RYR2: variants seen among roughly 807,000 people sequenced by gnomAD.
The protein encoded by RYR2 is cardiac muscle ryanodine receptor-calcium release channel.
Under a neutral mutation model 601.1 loss-of-function variants are expected in RYR2, and 227 were observed. The ratio of observed to expected loss-of-function variants is 0.38; its 90% confidence interval spans 0.34 to 0.42. The LOEUF is 0.42. Among genes scored for constraint, RYR2 ranks in the 10% least tolerant of loss-of-function variants. RYR2 has a pLI of 1.00. For missense variants in RYR2, 4,646 were observed against 6,156.5 expected, an observed-to-expected ratio of 0.75 and a Z score of 8.21; for synonymous variants, 2,223 against 2,175.1, an observed-to-expected ratio of 1.02 and a Z score of -0.61.
intron 67 of RYR2, 25 bp from the exon 68 acceptor site, chr1:237,706,924 T>C (rs1573606711): frequency 1.3e-6 from 2 of 1,568,230 alleles, no homozygotes; most frequent in Non-Finnish European, 1.8e-6. Context: ...TTGAATATCA[T>C]CCATTTTTAT....
intron 97 of RYR2, among the ~76,000 whole-genome samples, chr1:237,801,541 C>CCAAA (rs747389136): frequency 9.4e-6 from 1 of 106,396 alleles, no homozygotes; most frequent in African/African-American, 3.5e-5. Context: ...AACTCTGTCT[C>CCAAA]AAAAAAAAAA....
intron 1 of RYR2, among the ~76,000 whole-genome samples, chr1:237,243,883 A>C (rs535297610): frequency 6.6e-6 from 1 of 152,232 alleles, no homozygotes; most frequent in African/African-American, 2.4e-5. Context: ...ACAATGTGGC[A>C]AGAAGGTCAC....
chr1:237,407,395 A>G (rs964444573), intron 10 of RYR2, among the ~76,000 whole-genome samples: 2 of 152,208 alleles, frequency 1.3e-5, no homozygotes, highest in Non-Finnish European at 2.9e-5. Flanking sequence ...AAGTGGCTGT[A>G]TCATTTTGTA....
chr1:237,753,199 G>A (rs1423634849), intron 80 of RYR2, among the ~76,000 whole-genome samples: 2 of 152,118 alleles, frequency 1.3e-5, no homozygotes, highest in African/African-American at 2.4e-5. Context: ...TAAACTATTA[G>A]GTCAGTGGCA....
chr1:237,297,079 T>C (rs186423303), intron 2 of RYR2, among the ~76,000 whole-genome samples: 1 of 152,102 alleles, frequency 6.6e-6, no homozygotes, highest in Non-Finnish European at 1.5e-5. Flanking sequence ...TGAATGTATC[T>C]GGAAAAAATC....
At chr1:237,468,278 G>C (rs1044618837) in intron 16 of RYR2, among the ~76,000 whole-genome samples, 2 of 151,956 alleles carry the variant, frequency 1.3e-5, no homozygotes, top group African/African-American at 4.8e-5. Context: ...TAAACTTAGG[G>C]GTATAAAAGT....
At chr1:237,670,309 T>C (rs1401116621) in intron 58 of RYR2, among the ~76,000 whole-genome samples, 1 of 84,394 alleles carries the variant, frequency 1.2e-5, no homozygotes, top group Non-Finnish European at 2.2e-5. Context: ...AGAGGGAGAC[T>C]GGAGAGGGAG....
chr1:237,087,136 C>T (rs552347122), intron 1 of RYR2, among the ~76,000 whole-genome samples: 4 of 152,122 alleles, frequency 2.6e-5, no homozygotes, highest in Non-Finnish European at 5.9e-5. Flanking sequence ...GGACTGCATT[C>T]GGGAAAACTT....
chr1:237,641,730 C>G (rs145204385), intron 47 of RYR2, among the ~76,000 whole-genome samples: 1 of 152,020 alleles, frequency 6.6e-6, no homozygotes, highest in East Asian at 1.9e-4. Flanking sequence ...TTAGTAGAGA[C>G]GGGGTTTTGC....
Position 237,589,964 on chromosome 1 carries a change from A to G in RYR2, c.3770A>G (p.Gln1257Arg), listed in dbSNP as rs1210873281. ...ITMWLSKRLP[Q>R]FLQVPSNHEH... The stretch of plus-strand genomic sequence containing the variant: ...ATGTGGCTGAGCAAGAGGCTTCCTC[A>G]GTTTCTTCAAGTTCCATCAAACCAT... The change falls in exon 30 of 105, where the codon CAG becomes CGG. Residue 1257 changes from glutamine (Q) to arginine (R), a missense_variant. Coordinates refer to ENST00000366574, the MANE Select transcript of RYR2 (RefSeq NM_001035.3). The G allele has an allele frequency of 6.2e-7, 1 of 1,613,802 alleles. No homozygotes were observed. Among genetic ancestry groups the G allele is most frequent in the Non-Finnish European group, 8.5e-7 (1 of 1,179,854 alleles).
At chr1:237,358,092 AACCCAGG>A (rs763564963) in intron 4 of RYR2, among the ~76,000 whole-genome samples, 8 of 152,074 alleles carry the variant, frequency 5.3e-5, no homozygotes, top group Non-Finnish European at 1.0e-4. Flanking sequence ...CTACCCACCT[AACCCAGG>A]ACTATTGAGA....
Position 237,784,429 on chromosome 1 carries a change from G to C in RYR2, c.12717G>C (p.Leu4239=). The C allele has an allele frequency of 3.1e-6, 5 of 1,613,822 alleles. No individual in the cohort carries two copies. Among genetic ancestry groups the C allele is most frequent in the Non-Finnish European group, 4.2e-6 (5 of 1,179,834 alleles). Residue 4239 remains leucine, a synonymous_variant, in exon 90 of 105, where the codon CTG becomes CTC. Transcript: ENST00000366574. This position sits in a 1 kb window ranked among gnomAD's most constrained non-coding sequence, Gnocchi z 7.1. ...CGAGGATGGCTTTCTTCTCCATTCT[G>C]ACGGTCAGGTCGGCCCTGTTTGCGC... ...QGPRMAFFSI[L]TVRSALFALR...
chr1:237,148,500 T>G (rs1674261425), intron 1 of RYR2, among the ~76,000 whole-genome samples: 2 of 115,744 alleles, frequency 1.7e-5, no homozygotes, highest in Non-Finnish European at 3.5e-5. Flanking sequence ...TGCACATGTA[T>G]CCCAGAACTT....
rs571692642 is a variant in RYR2, at chr1:237,335,996, CTT to C, written c.273+5015_273+5016del. Among the ~76,000 whole-genome samples, 56 of 152,146 alleles carry C rather than the reference CTT, an allele frequency of 3.7e-4. 1 individual carries two copies. In the South Asian group the frequency reaches 7.7e-3, roughly 21 times the overall value. On this transcript the variant is annotated intron_variant, in intron 3 of 104. Coordinates refer to ENST00000366574, the MANE Select transcript of RYR2 (RefSeq NM_001035.3). The stretch of plus-strand genomic sequence containing the variant: ...TGCTTTTTCAACATTTATAAGGTAA[CTT>C]ATATCTTATAAAGGTTCTATGTATA...
In RYR2 at chr1:237,493,056, T is replaced by C. The variant is rs373160383; in HGVS notation, c.1930T>C (p.Leu644=). The C allele has an allele frequency of 2.5e-6, 4 of 1,613,498 alleles. No homozygotes were observed. The highest frequency in any genetic ancestry group is 3.4e-6 in the Non-Finnish European group (4 of 1,179,780). Residue 644 remains leucine, a synonymous_variant, in exon 19 of 105, where the codon TTG becomes CTG. Coordinates refer to ENST00000366574, the MANE Select transcript of RYR2 (RefSeq NM_001035.3). The part of the protein sequence containing the change: ...DNLLPGRDLL[L]QTRLVNHVSS... ...TCTCCTACCAGGAAGAGACTTGTTA[T>C]TGCAGACACGTCTTGTGAACCATGT...
At chr1:237,675,293 A>T (rs1685299062) in intron 60 of RYR2, among the ~76,000 whole-genome samples, 1 of 152,116 alleles carries the variant, frequency 6.6e-6, no homozygotes, top group African/African-American at 2.4e-5. Context: ...TGTGCAGAAT[A>T]CTTTATTATT....
intron 66 of RYR2, among the ~76,000 whole-genome samples, chr1:237,703,472 A>G (rs888429541): frequency 6.6e-6 from 1 of 150,914 alleles, no homozygotes; most frequent in Non-Finnish European, 1.5e-5. Flanking sequence ...ATGTATTGTC[A>G]TGCTGATTTG....
chr1:237,285,539 A>C (rs956965421), intron 2 of RYR2, among the ~76,000 whole-genome samples: 1 of 152,184 alleles, frequency 6.6e-6, no homozygotes, highest in Non-Finnish European at 1.5e-5. Flanking sequence ...CTGGCTTCAT[A>C]GAATGAATTA....
chr1:237,814,701 G>C (rs790888), intron 100 of RYR2, among the ~76,000 whole-genome samples: 97,519 of 151,838 alleles, frequency 0.64, 31,821 homozygotes, highest in East Asian at 0.93. Context: ...AGATGATTGT[G>C]GCTAGATAGC....
Sources: gnomAD v4.1 joint callset for allele counts (sites outside exome capture counted in the v4.1 genomes callset) on GRCh38, gnomAD v4.1.1 for gene constraint, Gnocchi (gnomAD v3.1) non-coding constraint, MANE v1.5 for transcripts, NCBI Gene and HGNC (gene_info 2026-07-23, HGNC 2026-07-21) for gene names.